Variants in IQSEC3 observed in about 807,000 individuals in gnomAD.
IQSEC3 encodes IQ motif and Sec7 domain ArfGEF 3, also known as IQ motif and SEC7 domain-containing protein 3.
A neutral mutation model predicts 105.4 loss-of-function variants in IQSEC3; 50 were observed. The ratio of observed to expected loss-of-function variants is 0.47; its 90% confidence interval spans 0.38 to 0.60. The LOEUF (loss-of-function observed/expected upper bound fraction) is 0.60, where lower values mean the gene tolerates loss of function less well. Ranked by LOEUF, IQSEC3 falls within the 20% of genes least tolerant of loss-of-function variation. IQSEC3 has a pLI of 0.00. For synonymous variants in IQSEC3, 708 were observed against 746.0 expected, an observed-to-expected ratio of 0.95 and a Z score of 0.83; for missense variants, 1,415 against 1,630.0, an observed-to-expected ratio of 0.87 and a Z score of 2.27.
chr12:113,462 C>A (rs1251708871), intron 2 of IQSEC3, among the ~76,000 whole-genome samples: 4 of 152,264 alleles, frequency 2.6e-5, no homozygotes, highest in Non-Finnish European at 5.9e-5. Context: ...GGCTTTAAAC[C>A]TGCTTCTTCC....
rs1029332218 is a variant in IQSEC3, at chr12:157,205, G to A, written c.2276+58G>A. On this transcript the variant is annotated intron_variant, in intron 6 of 13. Coordinates refer to ENST00000538872, the MANE Select transcript of IQSEC3 (RefSeq NM_001170738.2). Reference sequence around the variant, plus strand: ...GACCCCAGCGTGGGGAAGCCGGGCCGCTGTGAGCCTGGGAGACAGGAGATG... The same window carrying A: ...GACCCCAGCGTGGGGAAGCCGGGCCACTGTGAGCCTGGGAGACAGGAGATG... The A allele has an allele frequency of 5.2e-5, 77 of 1,468,092 alleles. 1 individual carries two copies. In the Middle Eastern group the frequency reaches 1.7e-3, roughly 33 times the overall value. The allele number at this position is 1,468,092 out of a possible 1,614,324, so 90.9% of individuals were successfully genotyped here.
chr12:78,675 C>T (rs1416422317), intron 1 of IQSEC3, among the ~76,000 whole-genome samples: 2 of 152,116 alleles, frequency 1.3e-5, no homozygotes, highest in Non-Finnish European at 2.9e-5. Context: ...TCGACTCAGT[C>T]GTTCACTAGC....
chr12:157,492 G>GGGGCCC, intron 6 of IQSEC3, 36 bp from the exon 7 acceptor site: 1 of 1,389,470 alleles, frequency 7.2e-7, no homozygotes, highest in Non-Finnish European at 9.8e-7. Flanking sequence ...GGTGGGCGGG[G>GGGGCCC]GCTCAGCGTC....
intron 11 of IQSEC3, 100 bp downstream of exon 11, chr12:165,990 C>T: frequency 2.2e-6 from 3 of 1,357,698 alleles, no homozygotes; most frequent in African/African-American, 1.4e-5. Flanking sequence ...GAGCTGGCCC[C>T]ACTTCGGACC....
chr12:164,021 C>G lies in IQSEC3; in HGVS notation c.2709+402C>G, dbSNP rs534500343. ...GCTCTGTCCCTGGGCCTAGGCGAGGCTGGTGTGTGTGTGTGCGTGCACACA... is the reference window on the plus strand; with the variant it reads ...GCTCTGTCCCTGGGCCTAGGCGAGGGTGGTGTGTGTGTGTGCGTGCACACA... On this transcript the variant is annotated intron_variant, in intron 9 of 13. Transcript: ENST00000538872. Among the ~76,000 whole-genome samples, 6 of 152,334 alleles carry G rather than the reference C, an allele frequency of 3.9e-5. No homozygotes were observed. The South Asian group carries it at 1.2e-3, about 32-fold the overall frequency.
intron 1 of IQSEC3, among the ~76,000 whole-genome samples, chr12:86,088 A>G (rs1379838832): frequency 6.6e-6 from 1 of 152,234 alleles, no homozygotes; most frequent in Admixed American, 6.5e-5. Flanking sequence ...GAGATATGAC[A>G]TGTATATAAA....
intron 2 of IQSEC3, among the ~76,000 whole-genome samples, chr12:110,709 G>A (rs553665120): frequency 1.3e-5 from 2 of 152,126 alleles, no homozygotes; most frequent in African/African-American, 2.4e-5. Flanking sequence ...TATAAAAATG[G>A]GGTCATAAAA....
intron 1 of IQSEC3, among the ~76,000 whole-genome samples, chr12:83,205 T>A (rs1555071140): frequency 6.6e-6 from 1 of 152,108 alleles, no homozygotes; most frequent in African/African-American, 2.4e-5. Flanking sequence ...GGAAATTCTG[T>A]TTAGGTTCCT....
At chr12:157,382 G>C in intron 6 of IQSEC3, 146 bp from the exon 7 acceptor site, 1 of 1,133,764 alleles carries the variant, frequency 8.8e-7, no homozygotes, top group Non-Finnish European at 1.2e-6. Context: ...TGGGGAAAAA[G>C]ACCAGAGTAT....
At chr12:114,418 G>C (rs1767151879) in intron 2 of IQSEC3, among the ~76,000 whole-genome samples, 1 of 152,220 alleles carries the variant, frequency 6.6e-6, no homozygotes, top group African/African-American at 2.4e-5. Context: ...GTTGGGCGTG[G>C]AGAAGAGGCA....
At chr12:88,949 C>T (rs1591640253) in intron 1 of IQSEC3, among the ~76,000 whole-genome samples, 1 of 152,168 alleles carries the variant, frequency 6.6e-6, no homozygotes, top group Non-Finnish European at 1.5e-5. Flanking sequence ...TTATGTTTCT[C>T]TCAAGGTAGT....
chr12:161,596 G>A (rs1349618132), intron 7 of IQSEC3, among the ~76,000 whole-genome samples: 2 of 152,190 alleles, frequency 1.3e-5, no homozygotes, highest in African/African-American at 2.4e-5. Context: ...CGACAGAACT[G>A]CAGAGGCGCA....
rs75142779 is a variant in IQSEC3 at position 152,672 on chromosome 12, C to A, written c.2154-4353C>A. ...ACAGAGAGCTCAGAGGGAACTCCCC[C>A]GACTTGAGTAAGGGACCTCCCTGCC... On this transcript the variant is annotated intron_variant, in intron 5 of 13. Transcript: ENST00000538872. The surrounding 1 kb of genome is among the most constrained non-coding windows in gnomAD (Gnocchi z 4.8). Among the ~76,000 whole-genome samples, 1 of 152,134 alleles carries A rather than the reference C, an allele frequency of 6.6e-6. No homozygotes were observed. Among genetic ancestry groups the A allele is most frequent in the Non-Finnish European group, 1.5e-5 (1 of 68,038 alleles).
intron 2 of IQSEC3, among the ~76,000 whole-genome samples, chr12:124,867 G>C (rs1258320291): frequency 6.6e-6 from 1 of 152,212 alleles, no homozygotes; most frequent in Non-Finnish European, 1.5e-5. Context: ...TCTTAGAGTA[G>C]GCAGGAGGGC....
At chr12:170,609 C>T (rs566137773) in intron 12 of IQSEC3, among the ~76,000 whole-genome samples, 7 of 152,348 alleles carry the variant, frequency 4.6e-5, no homozygotes, top group African/African-American at 9.6e-5. Context: ...TGTGCCAGGC[C>T]GGCCAGAAGG....
chr12:85,260 G>A (rs1052427803), intron 1 of IQSEC3, among the ~76,000 whole-genome samples: 15 of 152,252 alleles, frequency 9.9e-5, no homozygotes, highest in African/African-American at 3.6e-4. Flanking sequence ...GCAGGACTTG[G>A]TGAGGAGCAG....
Position 151,448 on chromosome 12 carries a change from A to C in IQSEC3, c.2154-5577A>C, listed in dbSNP as rs182163112. Among the ~76,000 whole-genome samples, 138 of 152,184 alleles carry C rather than the reference A, an allele frequency of 9.1e-4. 2 individuals carry two copies. The highest frequency in any genetic ancestry group is 8.4e-3 in the Admixed American group (129 of 15,296). On this transcript the variant is annotated intron_variant, in intron 5 of 13. Transcript: ENST00000538872. Reference sequence around the variant, plus strand: ...TAAGATGCAGCTGGATCATTCATTCAGTTTGTTTCCACTGCTCCTGCCTTA... The same window carrying C: ...TAAGATGCAGCTGGATCATTCATTCCGTTTGTTTCCACTGCTCCTGCCTTA...
At chr12:111,394 C>A (rs1305878746) in intron 2 of IQSEC3, among the ~76,000 whole-genome samples, 4 of 152,170 alleles carry the variant, frequency 2.6e-5, no homozygotes, top group African/African-American at 9.7e-5. Flanking sequence ...AAACCTGCAG[C>A]ATTCTCCCCA....
intron 2 of IQSEC3, among the ~76,000 whole-genome samples, chr12:123,278 G>A (rs150970215): frequency 7.2e-5 from 11 of 152,016 alleles, no homozygotes; most frequent in East Asian, 5.8e-4. Context: ...ATGGTGGTGC[G>A]TACCCACCTG....
Sources: gnomAD v4.1 joint callset for allele counts (sites outside exome capture counted in the v4.1 genomes callset) on GRCh38, gnomAD v4.1.1 for gene constraint, Gnocchi (gnomAD v3.1) non-coding constraint, MANE v1.5 for transcripts, NCBI Gene and HGNC (gene_info 2026-07-23, HGNC 2026-07-21) for gene names.